IL17C: variants seen among roughly 807,000 people sequenced by gnomAD.
IL17C encodes the protein interleukin 17C.
IL17C carries 13 observed loss-of-function variants against 11.0 expected under a neutral mutation model. That is an observed-to-expected ratio of 1.18 (90% CI 0.77 to 1.88). IL17C has a LOEUF of 1.88. Ranked by LOEUF, IL17C falls within the 40% of genes most tolerant of loss-of-function variation. IL17C has a pLI of 0.00. For synonymous variants in IL17C, 150 were observed against 125.8 expected (o/e 1.19, Z -1.29); for missense variants, 357 against 278.2 (o/e 1.28, Z -2.01).
At position 88,639,005 on chromosome 16, in the gene IL17C, A is replaced by G. The variant is rs774128778; in HGVS notation, c.31A>G (p.Thr11Ala). 3.2e-6 allele frequency: 5 copies of G among 1,584,156 alleles called. No homozygotes were observed. The South Asian group carries it at 5.7e-5, about 18-fold the overall frequency. MTLLPGLLFL[T>A]WLHTCLAHHD... ...GCTCCTCCCCGGCCTCCTGTTTCTG[A>G]CCTGGCTGCACACATGCCTGGCCCA... Residue 11 changes from threonine to alanine, a missense_variant, in exon 2 of 3, where the codon ACC (threonine) becomes GCC (alanine). Thr to Ala is a moderately conservative substitution (Grantham distance 58). Transcript: ENST00000244241. This position sits in a 1 kb window ranked among gnomAD's most constrained non-coding sequence, Gnocchi z 5.1.
Position 88,639,135 on chromosome 16 carries a change from G to C in IL17C, c.161G>C (p.Arg54Pro), listed in dbSNP as rs202143365. Residue 54 changes from arginine (R) to proline (P), a missense_variant, in exon 2 of 3, where the codon CGA becomes CCA. By Grantham distance (103) the Arg-to-Pro change is moderately radical. Transcript: ENST00000244241. The surrounding 1 kb of genome is among the most constrained non-coding windows in gnomAD (Gnocchi z 5.1). ...CAGGCCCCCCCACACCTGCTGGCTC[G>C]AGGTGCCAAGTGGGGGCAGGCTTTG... ...LGQAPPHLLA[R>P]GAKWGQALPV... The C allele has an allele frequency of 6.2e-7, 1 of 1,612,860 alleles. No individual in the cohort carries two copies. The highest frequency in any genetic ancestry group is 8.5e-7 in the Non-Finnish European group (1 of 1,179,954).
chr16:88,639,809 C>A lies in IL17C; in HGVS notation c.336-5C>A. 6.5e-7 allele frequency: 1 copy of A among 1,546,228 alleles called. No individual in the cohort carries two copies. Among genetic ancestry groups the A allele is most frequent in the Non-Finnish European group, 8.7e-7 (1 of 1,144,412 alleles). Reference sequence around the variant, plus strand: ...CAGAGACTCACTGTGCACCCCGTCCCGCAGTGTGGACACGGATGAGGACCG... The same window carrying A: ...CAGAGACTCACTGTGCACCCCGTCCAGCAGTGTGGACACGGATGAGGACCG... On this transcript the variant is annotated splice_region_variant and splice_polypyrimidine_tract_variant and intron_variant, in intron 2 of 2. Coordinates refer to ENST00000244241, the MANE Select transcript of IL17C (RefSeq NM_013278.4). This position sits in a 1 kb window ranked among gnomAD's most constrained non-coding sequence, Gnocchi z 5.1.
rs1188787490 is a variant in IL17C at position 88,639,909 on chromosome 16, CT to C, written c.432del (p.Ala145ArgfsTer112). On this transcript the variant is annotated frameshift_variant, in exon 3 of 3. Transcript: ENST00000244241. This position sits in a 1 kb window ranked among gnomAD's most constrained non-coding sequence, Gnocchi z 5.1. ...GATGCACGGACGGGCCGCGAGACAG[CT>C]GCGCTCAACTCCGTGCGGCTGCTCC... Reference protein sequence around the residue: ...CIDARTGRETAALNSVRLLQS... With the variant: ...CIDARTGRETXALNSVRLLQS... 2.5e-6 allele frequency: 4 copies of C among 1,610,190 alleles called. No individual in the cohort carries two copies. Among genetic ancestry groups the C allele is most frequent in the Non-Finnish European group, 1.7e-6 (2 of 1,179,430 alleles).
chr16:88,639,425 A>G lies in IL17C; in HGVS notation c.335+116A>G. ...TCTCACCTGTCAAGTGGGCGTGGCC[A>G]CCTGAGCTCCCTCCCTCCGGCCCTC... On this transcript the variant is annotated intron_variant, in intron 2 of 2. Transcript: ENST00000244241. This position sits in a 1 kb window ranked among gnomAD's most constrained non-coding sequence, Gnocchi z 5.1. 1 of 1,042,620 alleles carries G rather than the reference A, an allele frequency of 9.6e-7. No homozygotes were observed. The highest frequency in any genetic ancestry group is 1.3e-6 in the Non-Finnish European group (1 of 743,216). The allele number at this position is 1,042,620 out of a possible 1,614,324, so 64.6% of individuals were successfully genotyped here.
At position 88,639,167 on chromosome 16, in the gene IL17C, G is replaced by T; in HGVS notation, c.193G>T (p.Ala65Ser). 1 of 1,612,894 alleles carries T rather than the reference G, an allele frequency of 6.2e-7. No homozygotes were observed. The highest frequency in any genetic ancestry group is 2.2e-5 in the East Asian group (1 of 44,888). Reference sequence around the variant, plus strand: ...CAAGTGGGGGCAGGCTTTGCCTGTAGCCCTGGTGTCCAGCCTGGAGGCAGC... The same window carrying T: ...CAAGTGGGGGCAGGCTTTGCCTGTATCCCTGGTGTCCAGCCTGGAGGCAGC... ...GAKWGQALPV[A>S]LVSSLEAASH... Residue 65 changes from alanine to serine, a missense_variant, in exon 2 of 3, where the codon GCC becomes TCC. By Grantham distance (99) the Ala-to-Ser change is moderately conservative (BLOSUM62 1). Coordinates refer to ENST00000244241, the MANE Select transcript of IL17C (RefSeq NM_013278.4). This position sits in a 1 kb window ranked among gnomAD's most constrained non-coding sequence, Gnocchi z 5.1.
At position 88,638,620 on chromosome 16, in the gene IL17C, A is replaced by G. The variant is rs1015230182; in HGVS notation, c.-22A>G. 1.4e-5 allele frequency: 22 copies of G among 1,612,228 alleles called. No individual in the cohort carries two copies. The highest frequency in any genetic ancestry group is 1.9e-5 in the Non-Finnish European group (22 of 1,179,974). ...CAGGTGTGCAGGCCGCTCCAAGCCC[A>G]GCCTGCCCCGCTGCCGCCACCATGA... is the stretch of plus-strand genomic sequence containing the variant. On this transcript the variant is annotated 5_prime_UTR_variant, in exon 1 of 3. Transcript: ENST00000244241.
rs1906999615 is a variant in IL17C at position 88,639,656 on chromosome 16, AC to A, written c.336-156del. On this transcript the variant is annotated intron_variant, in intron 2 of 2. Coordinates refer to ENST00000244241, the MANE Select transcript of IL17C (RefSeq NM_013278.4). The surrounding 1 kb of genome is among the most constrained non-coding windows in gnomAD (Gnocchi z 5.1). ...GGAGGGCCCTGGGGAGACGTGGATT[AC>A]CACCACATGTGAGCCCGACTGCACC... Among the ~76,000 whole-genome samples the A allele has an allele frequency of 6.6e-6, 1 of 152,086 alleles. No individual in the cohort carries two copies. The highest frequency in any genetic ancestry group is 1.5e-5 in the Non-Finnish European group (1 of 68,000).
At position 88,640,417 on chromosome 16, in the gene IL17C, G is replaced by A. The variant is rs1208879210; in HGVS notation, c.*345G>A. ...TCCCAACCTCCTTGGAAGTACCCCT[G>A]TTTCTTAAACAATTATTTAAGTGTA... On this transcript the variant is annotated 3_prime_UTR_variant, in exon 3 of 3. Coordinates refer to ENST00000244241, the MANE Select transcript of IL17C (RefSeq NM_013278.4). The A allele has an allele frequency of 6.6e-6, 2 of 301,728 alleles. No individual in the cohort carries two copies. The highest frequency in any genetic ancestry group is 2.2e-5 in the African/African-American group (1 of 46,406). 18.7% of individuals were successfully genotyped at this position (301,728 alleles called of 1,614,324 possible).
Position 88,638,978 on chromosome 16 carries a change from C to A in IL17C, c.7-3C>A. ...CTAACCACCCACCTGCCTGTTTCAC[C>A]AGCTCCTCCCCGGCCTCCTGTTTCT... On this transcript the variant is annotated splice_region_variant and splice_polypyrimidine_tract_variant and intron_variant, in intron 1 of 2. Transcript: ENST00000244241. The A allele has an allele frequency of 6.4e-7, 1 of 1,556,020 alleles. No individual in the cohort carries two copies. Among genetic ancestry groups the A allele is most frequent in the Non-Finnish European group, 8.7e-7 (1 of 1,148,328 alleles).
In IL17C at chr16:88,640,117, A is replaced by C. The variant is rs1475699438; in HGVS notation, c.*45A>C. 1 of 1,507,694 alleles carries C rather than the reference A, an allele frequency of 6.6e-7. No individual in the cohort carries two copies. Among genetic ancestry groups the C allele is most frequent in the Non-Finnish European group, 8.9e-7 (1 of 1,128,708 alleles). The allele number at this position is 1,507,694 out of a possible 1,614,324, so 93.4% of individuals were successfully genotyped here. On this transcript the variant is annotated 3_prime_UTR_variant, in exon 3 of 3. Coordinates refer to ENST00000244241, the MANE Select transcript of IL17C (RefSeq NM_013278.4). ...CCTAGACTGGACACGTGTGCTCCCCAGAGGGCACCCCCTATTTATGTGTAT... is the reference window on the plus strand; with the variant it reads ...CCTAGACTGGACACGTGTGCTCCCCCGAGGGCACCCCCTATTTATGTGTAT...
intron 1 of IL17C, 126 bp downstream of exon 1, chr16:88,638,773 G>A: frequency 2.0e-6 from 3 of 1,463,944 alleles, no homozygotes; most frequent in African/African-American, 2.8e-5. Flanking sequence ...CCTCAGTCTG[G>A]GGGTAGGGGA....
In IL17C at chr16:88,639,953, C is replaced by T. The variant is rs367691676; in HGVS notation, c.475C>T (p.Arg159Cys). The T allele has an allele frequency of 2.4e-5, 38 of 1,609,960 alleles. No homozygotes were observed. Among genetic ancestry groups the T allele is most frequent in the Non-Finnish European group, 3.1e-5 (37 of 1,178,908 alleles). Residue 159 changes from arginine to cysteine, a missense_variant, in exon 3 of 3, where the codon CGC becomes TGC. Arg to Cys is a radical substitution (Grantham distance 180). Transcript: ENST00000244241. This position sits in a 1 kb window ranked among gnomAD's most constrained non-coding sequence, Gnocchi z 5.1. ...GCTGCTCCAGAGCCTGCTGGTGCTG[C>T]GCCGCCGGCCCTGCTCCCGCGACGG... ...VRLLQSLLVL[R>C]RRPCSRDGSG...
In IL17C at chr16:88,639,092, G is replaced by A. The variant is rs753393935; in HGVS notation, c.118G>A (p.Glu40Lys). The part of the protein sequence containing the change: ...SHGTPHCYSA[E>K]ELPLGQAPPH... ...CGGTACCCCACACTGCTACTCGGCT[G>A]AGGAACTGCCCCTCGGCCAGGCCCC... is the stretch of plus-strand genomic sequence containing the variant. The change falls in exon 2 of 3, where the codon GAG (glutamate) becomes AAG (lysine). Residue 40 changes from glutamate to lysine, a missense_variant. Coordinates refer to ENST00000244241, the MANE Select transcript of IL17C (RefSeq NM_013278.4). This position sits in a 1 kb window ranked among gnomAD's most constrained non-coding sequence, Gnocchi z 5.1. 4.3e-6 allele frequency: 7 copies of A among 1,613,138 alleles called. No individual in the cohort carries two copies. The African/African-American group carries it at 8.0e-5, about 18-fold the overall frequency.
chr16:88,640,154 T>G lies in IL17C; in HGVS notation c.*82T>G. 1 of 1,429,340 alleles carries G rather than the reference T, an allele frequency of 7.0e-7. No homozygotes were observed. The highest frequency in any genetic ancestry group is 9.3e-7 in the Non-Finnish European group (1 of 1,070,070). The allele number at this position is 1,429,340 out of a possible 1,614,324, so 88.5% of individuals were successfully genotyped here. A position where few individuals can be genotyped will look rare whatever the true frequency, so the allele number is the denominator to read the frequency against. On this transcript the variant is annotated 3_prime_UTR_variant, in exon 3 of 3. Coordinates refer to ENST00000244241, the MANE Select transcript of IL17C (RefSeq NM_013278.4). ...CTATTTATGTGTATTTATTGTTATT[T>G]ATATGCCTCCCCCAACACTACCCTT... is the stretch of plus-strand genomic sequence containing the variant.
rs1906999169 is a variant in IL17C at position 88,639,645 on chromosome 16, A to C, written c.336-169A>C. On this transcript the variant is annotated intron_variant, in intron 2 of 2. Coordinates refer to ENST00000244241, the MANE Select transcript of IL17C (RefSeq NM_013278.4). The surrounding 1 kb of genome is among the most constrained non-coding windows in gnomAD (Gnocchi z 5.1). Reference sequence around the variant, plus strand: ...TCTGTGCTCTTGGAGGGCCCTGGGGAGACGTGGATTACCACCACATGTGAG... The same window carrying C: ...TCTGTGCTCTTGGAGGGCCCTGGGGCGACGTGGATTACCACCACATGTGAG... 6.6e-6 allele frequency among the ~76,000 whole-genome samples: 1 copy of C among 152,102 alleles called. No individual in the cohort carries two copies. The highest frequency in any genetic ancestry group is 1.5e-5 in the Non-Finnish European group (1 of 68,004).
Position 88,639,032 on chromosome 16 carries a change from C to T in IL17C, c.58C>T (p.His20Tyr). The change falls in exon 2 of 3, where the codon CAT becomes TAT. Residue 20 changes from histidine (H) to tyrosine (Y), a missense_variant. Transcript: ENST00000244241. The surrounding 1 kb of genome is among the most constrained non-coding windows in gnomAD (Gnocchi z 5.1). ...CTGGCTGCACACATGCCTGGCCCAC[C>T]ATGACCCCTCCCTCAGGGGGCACCC... ...LTWLHTCLAH[H>Y]DPSLRGHPHS... 1.2e-6 allele frequency: 2 copies of T among 1,607,156 alleles called. No individual in the cohort carries two copies. Among genetic ancestry groups the T allele is most frequent in the Non-Finnish European group, 8.5e-7 (1 of 1,176,128 alleles).
In IL17C at chr16:88,639,300, G is replaced by A. The variant is rs757257672; in HGVS notation, c.326G>A (p.Trp109Ter). ...ADTHQRSISPWRYRVDTDEDR... is the reference protein window; with the variant it reads ...ADTHQRSISP Reference sequence around the variant, plus strand: ...ACCCACCAGCGCTCCATCTCACCCTGGAGATACCGGTGAGGACCTGGGGAT... The same window carrying A: ...ACCCACCAGCGCTCCATCTCACCCTAGAGATACCGGTGAGGACCTGGGGAT... The change falls in exon 2 of 3, where the codon TGG (tryptophan) becomes TAG (stop). Residue 109 changes from tryptophan (W) to a stop codon, truncating the protein, a stop_gained. Coordinates refer to ENST00000244241, the MANE Select transcript of IL17C (RefSeq NM_013278.4). LOFTEE classifies it low-confidence loss of function (END_TRUNC). This position sits in a 1 kb window ranked among gnomAD's most constrained non-coding sequence, Gnocchi z 5.1. 1 of 1,596,854 alleles carries A rather than the reference G, an allele frequency of 6.3e-7. No individual in the cohort carries two copies. Among genetic ancestry groups the A allele is most frequent in the Non-Finnish European group, 8.5e-7 (1 of 1,171,346 alleles).
chr16:88,640,393 C>T lies in IL17C; in HGVS notation c.*321C>T, dbSNP rs933751757. 3 of 355,498 alleles carry T rather than the reference C, an allele frequency of 8.4e-6. No homozygotes were observed. In the South Asian group the frequency reaches 2.5e-4, roughly 30 times the overall value. The allele number at this position is 355,498 out of a possible 1,614,324, so 22.0% of individuals were successfully genotyped here. On this transcript the variant is annotated 3_prime_UTR_variant, in exon 3 of 3. Coordinates refer to ENST00000244241, the MANE Select transcript of IL17C (RefSeq NM_013278.4). ...CTCAGGCCCCCGCAGGCTGCCTCTT[C>T]CCAACCTCCTTGGAAGTACCCCTGT...
rs1423131475 is a variant in IL17C, at chr16:88,639,670, G to T, written c.336-144G>T. ...AGACGTGGATTACCACCACATGTGA[G>T]CCCGACTGCACCCCAAGCCCGTGTG... On this transcript the variant is annotated intron_variant, in intron 2 of 2. Coordinates refer to ENST00000244241, the MANE Select transcript of IL17C (RefSeq NM_013278.4). The surrounding 1 kb of genome is among the most constrained non-coding windows in gnomAD (Gnocchi z 5.1). 3 of 1,017,696 alleles carry T rather than the reference G, an allele frequency of 2.9e-6. No homozygotes were observed. Among genetic ancestry groups the T allele is most frequent in the Non-Finnish European group, 4.1e-6 (3 of 724,084 alleles). The allele number at this position is 1,017,696 out of a possible 1,614,324, so 63.0% of individuals were successfully genotyped here. A position where few individuals can be genotyped will look rare whatever the true frequency, so the allele number is the denominator to read the frequency against.
Sources: allele counts gnomAD v4.1 joint callset (sites outside exome capture counted in the v4.1 genomes callset), GRCh38; gene constraint gnomAD v4.1.1; non-coding constraint Gnocchi (gnomAD v3.1); transcripts MANE v1.5; gene names NCBI Gene and HGNC (gene_info 2026-07-23, HGNC 2026-07-21).